Variants in SGSM2 observed in about 807,000 individuals in gnomAD.
SGSM2 encodes the protein small G protein signaling modulator 2.
In SGSM2, 89 loss-of-function variants were observed where a neutral mutation model predicts 126.6. The observed-to-expected ratio is 0.70, with a 90% confidence interval of 0.59 to 0.84. The LOEUF (loss-of-function observed/expected upper bound fraction) is 0.84. Ranked by LOEUF, SGSM2 falls within the 40% of genes least tolerant of loss-of-function variation. SGSM2 has a pLI of 0.00. For missense variants in SGSM2, 1,404 were observed against 1,416.6 expected, an observed-to-expected ratio of 0.99 and a Z score of 0.14; for synonymous variants, 614 against 574.3, an observed-to-expected ratio of 1.07 and a Z score of -0.99.
chr17:2,378,614 C>G (rs570361249), intron 22 of SGSM2, among the ~76,000 whole-genome samples: 1 of 152,044 alleles, frequency 6.6e-6, no homozygotes, highest in Non-Finnish European at 1.5e-5. Context: ...CTAGGGTTGA[C>G]AGTTACAACT....
chr17:2,372,272 C>T lies in SGSM2; in HGVS notation c.1642+18C>T, dbSNP rs561690990. The T allele has an allele frequency of 3.4e-4, 541 of 1,612,120 alleles. 5 individuals carry two copies. In the South Asian group the frequency reaches 5.3e-3, roughly 16 times the overall value. On this transcript the variant is annotated intron_variant, in intron 14 of 23. Transcript: ENST00000268989. The surrounding 1 kb of genome is among the most constrained non-coding windows in gnomAD (Gnocchi z 6.0). ...CTACGGCTGTGAGTGTGGGGCGCGC[C>T]GGGCTGTGGCGGGCTGGGGGCGGGC...
chr17:2,360,331 A>G (rs928430105), intron 2 of SGSM2, among the ~76,000 whole-genome samples: 2 of 152,078 alleles, frequency 1.3e-5, no homozygotes, highest in African/African-American at 4.8e-5. Flanking sequence ...TGGGCATCAG[A>G]GTGGGTCCCT....
intron 2 of SGSM2, among the ~76,000 whole-genome samples, chr17:2,344,569 C>G (rs144802656): frequency 6.6e-6 from 1 of 152,162 alleles, no homozygotes; most frequent in Admixed American, 6.5e-5. Context: ...CACCGTTCAC[C>G]GTGCAAGGAA....
chr17:2,374,450 G>C (rs117586394), intron 17 of SGSM2: 4 of 152,072 alleles, frequency 2.6e-5, no homozygotes, highest in Admixed American at 2.6e-4. Flanking sequence ...GTTGGGGTGC[G>C]CCTGTAGTCC....
At position 2,363,649 on chromosome 17, in the gene SGSM2, C is replaced by G. The variant is rs185386873; in HGVS notation, c.807+50C>G. On this transcript the variant is annotated intron_variant, in intron 7 of 23. Transcript: ENST00000268989. This position sits in a 1 kb window ranked among gnomAD's most constrained non-coding sequence, Gnocchi z 4.2. ...CCTCCCCGAAGGTCCCCGAACGAGA[C>G]GACTGGAAGCCTCTAGCCATGGCTA... 3 of 1,599,518 alleles carry G rather than the reference C, an allele frequency of 1.9e-6. No individual in the cohort carries two copies. Among genetic ancestry groups the G allele is most frequent in the Non-Finnish European group, 2.6e-6 (3 of 1,170,814 alleles).
At chr17:2,378,989 A>C (rs1567854973) in intron 22 of SGSM2, 47 bp from the exon 23 acceptor site, 2 of 1,580,088 alleles carry the variant, frequency 1.3e-6, no homozygotes, top group Non-Finnish European at 1.7e-6. Context: ...CCTCAGCCCC[A>C]GATATGCGGC....
chr17:2,371,241 T>C (rs527792551), intron 12 of SGSM2, 21 bp from the exon 13 acceptor site: 23 of 1,605,386 alleles, frequency 1.4e-5, no homozygotes, highest in Non-Finnish European at 1.5e-5. Flanking sequence ...GCCCTGACCA[T>C]GCCACCCTTC....
At position 2,376,179 on chromosome 17, in the gene SGSM2, G is replaced by C; in HGVS notation, c.2527G>C (p.Asp843His). ...TGTGGCCTTAAACCTGCACCGCATA[G>C]ACAAGGATGTGCAGAGGTGTGACCG... ...DTVALNLHRIDKDVQRCDRNY... is the reference protein window; with the variant it reads ...DTVALNLHRIHKDVQRCDRNY... The change falls in exon 19 of 24, where the codon GAC becomes CAC. Residue 843 changes from aspartate to histidine, a missense_variant. Asp to His is a moderately conservative substitution (Grantham distance 81). Transcript: ENST00000268989. 1 of 1,614,128 alleles carries C rather than the reference G, an allele frequency of 6.2e-7. No homozygotes were observed. Among genetic ancestry groups the C allele is most frequent in the Non-Finnish European group, 8.5e-7 (1 of 1,180,016 alleles).
chr17:2,339,936 A>T (rs2064274537), intron 1 of SGSM2, among the ~76,000 whole-genome samples: 1 of 152,126 alleles, frequency 6.6e-6, no homozygotes, highest in African/African-American at 2.4e-5. Flanking sequence ...ATTTAAGCCC[A>T]ATTCTGCTCT....
Position 2,372,432 on chromosome 17 carries a change from G to C in SGSM2, c.1732G>C (p.Gly578Arg), listed in dbSNP as rs1567840951. 2.5e-6 allele frequency: 4 copies of C among 1,601,322 alleles called. No individual in the cohort carries two copies. The highest frequency in any genetic ancestry group is 3.4e-6 in the Non-Finnish European group (4 of 1,176,140). ...CGTTATCCCACCTGACCGGCCCCCGGGGGCCTCCGCGGGCCTCACCAAGGA... is the reference window on the plus strand; with the variant it reads ...CGTTATCCCACCTGACCGGCCCCCGCGGGCCTCCGCGGGCCTCACCAAGGA... ...HSVIPPDRPP[G>R]ASAGLTKDVW... Residue 578 changes from glycine (G) to arginine (R), a missense_variant, in exon 15 of 24, where the codon GGG becomes CGG. Transcript: ENST00000268989. This position sits in a 1 kb window ranked among gnomAD's most constrained non-coding sequence, Gnocchi z 6.0.
Position 2,337,752 on chromosome 17 carries a change from T to C in SGSM2, c.57+7T>C. On this transcript the variant is annotated splice_region_variant and intron_variant, in intron 1 of 23. Coordinates refer to ENST00000268989, the MANE Select transcript of SGSM2 (RefSeq NM_014853.3). The surrounding 1 kb of genome is among the most constrained non-coding windows in gnomAD (Gnocchi z 5.1). ...GTGGAACGTGAAGAAGGAGGTAAAG[T>C]CGAGTCAAGAACCCCGGGGGGCTCG... 1 of 1,531,232 alleles carries C rather than the reference T, an allele frequency of 6.5e-7. No homozygotes were observed. The highest frequency in any genetic ancestry group is 8.8e-7 in the Non-Finnish European group (1 of 1,135,586). 94.9% of individuals were successfully genotyped at this position (1,531,232 alleles called of 1,614,324 possible).
At chr17:2,376,572 T>G (rs767282055) in intron 19 of SGSM2, 161 bp from the exon 20 acceptor site, 53 of 810,046 alleles carry the variant, frequency 6.5e-5, no homozygotes, top group Non-Finnish European at 9.6e-5. Context: ...ACCCGTGGGT[T>G]GTTCCCCGTT....
chr17:2,372,440 C>G lies in SGSM2; in HGVS notation c.1740C>G (p.Ser580=), dbSNP rs3213712. ...VIPPDRPPGA[S]AGLTKDVWSK... is the part of the protein sequence containing the mutation. Reference sequence around the variant, plus strand: ...CACCTGACCGGCCCCCGGGGGCCTCCGCGGGCCTCACCAAGGACGTGTGGA... The same window carrying G: ...CACCTGACCGGCCCCCGGGGGCCTCGGCGGGCCTCACCAAGGACGTGTGGA... The change falls in exon 15 of 24, where the codon TCC becomes TCG. Residue 580 remains serine, a synonymous_variant. Transcript: ENST00000268989. This position sits in a 1 kb window ranked among gnomAD's most constrained non-coding sequence, Gnocchi z 6.0. 190,599 of 1,599,290 alleles carry G rather than the reference C, an allele frequency of 0.12. 17,994 individuals carry two copies. Among genetic ancestry groups the G allele is most frequent in the African/African-American group, 0.49 (36,588 of 74,330 alleles).
chr17:2,374,349 G>A (rs2066024819), intron 17 of SGSM2: 1 of 152,178 alleles, frequency 6.6e-6, no homozygotes, highest in Non-Finnish European at 1.5e-5. Context: ...GGCAGAGGTG[G>A]GAGGATTGCT....
chr17:2,365,022 C>G lies in SGSM2; in HGVS notation c.1126C>G (p.Gln376Glu). ...CLENGLLPRG[Q>E]LEPPLWTQQG... is the part of the protein sequence containing the mutation. ...GGAGAATGGGCTGCTGCCTCGGGGACAGCTAGAGCCCCCGCTGTGGACCCA... is the reference window on the plus strand; with the variant it reads ...GGAGAATGGGCTGCTGCCTCGGGGAGAGCTAGAGCCCCCGCTGTGGACCCA... The change falls in exon 10 of 24, where the codon CAG becomes GAG. Residue 376 changes from glutamine (Q) to glutamate (E), a missense_variant. By Grantham distance (29) the Gln-to-Glu change is conservative. Coordinates refer to ENST00000268989, the MANE Select transcript of SGSM2 (RefSeq NM_014853.3). The G allele has an allele frequency of 6.2e-7, 1 of 1,613,424 alleles. No individual in the cohort carries two copies. The highest frequency in any genetic ancestry group is 1.3e-5 in the African/African-American group (1 of 75,040).
rs2065471065 is a variant in SGSM2 at position 2,364,641 on chromosome 17, G to A, written c.978G>A (p.Val326=). ...YALVVPFSQV[V]CIHCHQQKSG... ...TCGTGGTGCCCTTCAGCCAGGTCGT[G>A]TGCATCCACTGCCACCAGCAAAGTA... Residue 326 remains valine, a synonymous_variant, in exon 9 of 24, where the codon GTG becomes GTA. Transcript: ENST00000268989. 1.2e-6 allele frequency: 2 copies of A among 1,614,098 alleles called. No homozygotes were observed. The highest frequency in any genetic ancestry group is 1.6e-4 in the Middle Eastern group (1 of 6,084).
In SGSM2 at chr17:2,375,477, G is replaced by T. The variant is rs747685453; in HGVS notation, c.2101-15G>T. On this transcript the variant is annotated splice_polypyrimidine_tract_variant and intron_variant, in intron 17 of 23. Transcript: ENST00000268989. The stretch of plus-strand genomic sequence containing the variant: ...GCTGGAGTGCAGGTGGAGCCGCCCT[G>T]TGTTCACCCCCCAGGTGTTTATCTC... 1.9e-6 allele frequency: 3 copies of T among 1,593,394 alleles called. No individual in the cohort carries two copies. The South Asian group carries it at 3.4e-5, about 18-fold the overall frequency.
chr17:2,362,452 G>T lies in SGSM2; in HGVS notation c.458+182G>T, dbSNP rs1346239326. 8.3e-6 allele frequency among the ~76,000 whole-genome samples: 1 copy of T among 121,160 alleles called. No individual in the cohort carries two copies. The highest frequency in any genetic ancestry group is 3.4e-5 in the African/African-American group (1 of 29,810). 79.5% of individuals were successfully genotyped at this position (121,160 alleles called of 152,430 possible). On this transcript the variant is annotated intron_variant, in intron 4 of 23. Coordinates refer to ENST00000268989, the MANE Select transcript of SGSM2 (RefSeq NM_014853.3). This position sits in a 1 kb window ranked among gnomAD's most constrained non-coding sequence, Gnocchi z 4.9. The stretch of plus-strand genomic sequence containing the variant: ...CCGTTCCCAAAAACTGCAGGTGACC[G>T]CCCCGTTCCCCAAAAACTGCAGGTG...
At chr17:2,378,938 C>A (rs2066299778) in intron 22 of SGSM2, 98 bp from the exon 23 acceptor site, 1 of 1,255,186 alleles carries the variant, frequency 8.0e-7, no homozygotes, top group Non-Finnish European at 1.0e-6. Context: ...CAGCCTCAGC[C>A]TCAGCCCCAG....
Sources: allele counts gnomAD v4.1 joint callset (sites outside exome capture counted in the v4.1 genomes callset), GRCh38; gene constraint gnomAD v4.1.1; non-coding constraint Gnocchi (gnomAD v3.1); transcripts MANE v1.5; gene names NCBI Gene and HGNC (gene_info 2026-07-23, HGNC 2026-07-21).